Variants in MEI4 observed in about 807,000 individuals in gnomAD.
MEI4 encodes the protein meiosis-specific protein MEI4.
A neutral mutation model predicts 31.4 loss-of-function variants in MEI4; 27 were observed. The observed-to-expected ratio is 0.86, with a 90% CI of 0.63 to 1.19. The LOEUF is 1.19. Ranked by LOEUF, MEI4 falls within the 50% of genes most tolerant of loss-of-function variation. MEI4 has a pLI of 0.00. For synonymous variants in MEI4, 122 were observed against 145.4 expected (o/e 0.84, Z 1.16); for missense variants, 329 against 398.9 (o/e 0.82, Z 1.49).
intron 2 of MEI4, among the ~76,000 whole-genome samples, chr6:77,697,390 T>A (rs925501749): frequency 2.6e-5 from 4 of 152,182 alleles, no homozygotes; most frequent in African/African-American, 9.7e-5. Flanking sequence ...TCCTGCTTTC[T>A]CTTGTGGGCA....
chr6:77,875,045 C>G (rs561718748), intron 4 of MEI4, among the ~76,000 whole-genome samples: 1 of 152,016 alleles, frequency 6.6e-6, no homozygotes, highest in Non-Finnish European at 1.5e-5. Flanking sequence ...TGGACCTGGT[C>G]ATCTAACCCA....
chr6:77,839,185 C>T (rs1770296993), intron 4 of MEI4, among the ~76,000 whole-genome samples: 1 of 151,958 alleles, frequency 6.6e-6, no homozygotes, highest in Non-Finnish European at 1.5e-5. Flanking sequence ...GGACTTTTGT[C>T]TTTCTTTTTG....
intron 2 of MEI4, among the ~76,000 whole-genome samples, chr6:77,748,980 A>G (rs9352525): frequency 0.15 from 22,783 of 152,102 alleles, 2,057 homozygotes; most frequent in East Asian, 0.39. Flanking sequence ...CCAGGAAAAC[A>G]GGGTCTGGAG....
intron 2 of MEI4, among the ~76,000 whole-genome samples, chr6:77,749,057 G>A (rs1016653381): frequency 1.3e-5 from 2 of 152,108 alleles, no homozygotes; most frequent in African/African-American, 4.8e-5. Flanking sequence ...CTAACAAACA[G>A]AAAGGAATAG....
intron 4 of MEI4, among the ~76,000 whole-genome samples, chr6:77,914,371 T>G (rs1235180012): frequency 6.6e-6 from 1 of 152,230 alleles, no homozygotes; most frequent in South Asian, 2.1e-4. Flanking sequence ...CAGGCACATA[T>G]TATTTAATTT....
At position 77,847,131 on chromosome 6, in the gene MEI4, T is replaced by A. The variant is rs1015143639; in HGVS notation, c.900+18069T>A. ...TTTTTTTGGTGAGTTAATGAAAAAT[T>A]GAAAATGAGTTTAAATAAAAGATTC... On this transcript the variant is annotated intron_variant, in intron 4 of 4. Coordinates refer to ENST00000684080, the MANE Select transcript of MEI4 (RefSeq NM_001322247.2). This position sits in a 1 kb window ranked among gnomAD's most constrained non-coding sequence, Gnocchi z 4.6. Among the ~76,000 whole-genome samples the A allele has an allele frequency of 3.9e-5, 6 of 152,104 alleles. No homozygotes were observed. The highest frequency in any genetic ancestry group is 7.4e-5 in the Non-Finnish European group (5 of 68,014).
chr6:77,830,372 G>A (rs36042013), intron 4 of MEI4, among the ~76,000 whole-genome samples: 21,269 of 151,968 alleles, frequency 0.14, 1,764 homozygotes, highest in East Asian at 0.4. Context: ...TGATGTATAT[G>A]TTCTCATTTA....
At chr6:77,769,423 C>G (rs1344586086) in intron 3 of MEI4, among the ~76,000 whole-genome samples, 1 of 152,124 alleles carries the variant, frequency 6.6e-6, no homozygotes, top group Non-Finnish European at 1.5e-5. Flanking sequence ...GAAAGGCAAC[C>G]TAGACCACAA....
At chr6:77,836,203 T>C (rs1309224103) in intron 4 of MEI4, among the ~76,000 whole-genome samples, 1 of 152,140 alleles carries the variant, frequency 6.6e-6, no homozygotes, top group Non-Finnish European at 1.5e-5. Flanking sequence ...TTTTAAGTGA[T>C]TTTTCACAGA....
intron 2 of MEI4, among the ~76,000 whole-genome samples, chr6:77,750,350 A>T (rs1379787781): frequency 6.6e-6 from 1 of 152,206 alleles, no homozygotes; most frequent in East Asian, 1.9e-4. Flanking sequence ...GTCAAGACGC[A>T]TTGGTGTGTT....
intron 1 of MEI4, among the ~76,000 whole-genome samples, chr6:77,658,693 T>C (rs1768445153): frequency 6.6e-6 from 1 of 152,066 alleles, no homozygotes; most frequent in African/African-American, 2.4e-5. Flanking sequence ...TTGTATATAA[T>C]GATTGGTGAT....
At chr6:77,668,466 G>T (rs555405600) in intron 1 of MEI4, among the ~76,000 whole-genome samples, 20 of 152,144 alleles carry the variant, frequency 1.3e-4, no homozygotes, top group Admixed American at 2.6e-4. Flanking sequence ...TCTTCTAGTG[G>T]AAAGCTCCTT....
chr6:77,852,585 GTTT>G (rs58175580), intron 4 of MEI4, among the ~76,000 whole-genome samples: 1 of 142,608 alleles, frequency 7.0e-6, no homozygotes. Flanking sequence ...GTTGTTGTTT[GTTT>G]TTTTTTTTTG....
At chr6:77,884,128 T>C (rs981117095) in intron 4 of MEI4, among the ~76,000 whole-genome samples, 7 of 152,162 alleles carry the variant, frequency 4.6e-5, no homozygotes, top group African/African-American at 1.7e-4. Flanking sequence ...ATATTTTTCC[T>C]TATACCTATT....
intron 4 of MEI4, among the ~76,000 whole-genome samples, chr6:77,853,183 G>C (rs1430217818): frequency 6.6e-6 from 1 of 152,158 alleles, no homozygotes; most frequent in Non-Finnish European, 1.5e-5. Flanking sequence ...TGCAACAGGA[G>C]TGAAACTCCA....
intron 4 of MEI4, among the ~76,000 whole-genome samples, chr6:77,862,404 C>T (rs1466784492): frequency 6.6e-6 from 1 of 152,222 alleles, no homozygotes; most frequent in Non-Finnish European, 1.5e-5. Context: ...ACGGTCTTAG[C>T]AAACGGCACA....
At chr6:77,690,928 G>C in intron 2 of MEI4, 25 bp downstream of exon 2, 1 of 1,126,436 alleles carries the variant, frequency 8.9e-7, no homozygotes, top group Non-Finnish European at 1.1e-6. Context: ...TTGCCTTTTG[G>C]TAGTATGTCA....
intron 4 of MEI4, among the ~76,000 whole-genome samples, chr6:77,883,653 A>C (rs1004631142): frequency 2.8e-5 from 4 of 142,176 alleles, no homozygotes; most frequent in African/African-American, 5.3e-5. Flanking sequence ...TTTTTATGGC[A>C]CAATACTATT....
chr6:77,788,005 G>A (rs1415963837), intron 3 of MEI4, among the ~76,000 whole-genome samples: 1 of 152,158 alleles, frequency 6.6e-6, no homozygotes, highest in Non-Finnish European at 1.5e-5. Flanking sequence ...TCAGGATGAT[G>A]CTGGCCTCAT....
Sources: gnomAD v4.1 joint callset for allele counts (sites outside exome capture counted in the v4.1 genomes callset) on GRCh38, gnomAD v4.1.1 for gene constraint, Gnocchi (gnomAD v3.1) non-coding constraint, MANE v1.5 for transcripts, NCBI Gene and HGNC (gene_info 2026-07-23, HGNC 2026-07-21) for gene names.